NCKAP5: variants seen among roughly 807,000 people sequenced by gnomAD.
NCKAP5 encodes nck-associated protein 5.
NCKAP5 carries 92 observed loss-of-function variants against 167.0 expected under a neutral mutation model. That is an observed-to-expected ratio of 0.55 (90% CI 0.47 to 0.66). The LOEUF is 0.66. Among genes scored for constraint, NCKAP5 ranks in the 30% least tolerant of loss-of-function variants. The pLI is 0.00. For missense variants in NCKAP5, 2,378 were observed against 2,315.0 expected (o/e 1.03, Z -0.56); for synonymous variants, 891 against 877.4 (o/e 1.02, Z -0.27).
chr2:133,013,634 C>T (rs896425382), intron 6 of NCKAP5, among the ~76,000 whole-genome samples: 3 of 152,136 alleles, frequency 2.0e-5, no homozygotes, highest in Non-Finnish European at 2.9e-5. Flanking sequence ...AGTTACAATT[C>T]GAGATGAGAT....
intron 12 of NCKAP5, among the ~76,000 whole-genome samples, chr2:132,792,517 C>T (rs1684154477): frequency 1.3e-5 from 2 of 152,228 alleles, no homozygotes; most frequent in Non-Finnish European, 2.9e-5. Context: ...CTACTGTGTG[C>T]TTTCTGTTTT....
chr2:133,384,945 G>C (rs1466322739), intron 3 of NCKAP5, among the ~76,000 whole-genome samples: 1 of 152,058 alleles, frequency 6.6e-6, no homozygotes, highest in Non-Finnish European at 1.5e-5. Flanking sequence ...GGAGATTTTG[G>C]GCTAAGTCGA....
intron 16 of NCKAP5, among the ~76,000 whole-genome samples, chr2:132,755,474 A>C (rs1254542739): frequency 6.6e-6 from 1 of 152,176 alleles, no homozygotes; most frequent in Non-Finnish European, 1.5e-5. Context: ...TTTTTATGCC[A>C]TGACTTCTGC....
intron 19 of NCKAP5, among the ~76,000 whole-genome samples, chr2:132,681,804 A>G (rs1240637831): frequency 6.6e-6 from 1 of 152,212 alleles, no homozygotes; most frequent in East Asian, 1.9e-4. Flanking sequence ...ATGACCTGGA[A>G]TTACTTCCAA....
chr2:133,248,479 G>C (rs2088123397), intron 4 of NCKAP5, among the ~76,000 whole-genome samples: 1 of 152,198 alleles, frequency 6.6e-6, no homozygotes, highest in Admixed American at 6.5e-5. Context: ...ACAGGGCAGG[G>C]AATATAACAT....
intron 3 of NCKAP5, among the ~76,000 whole-genome samples, chr2:133,386,875 T>C (rs571690844): frequency 6.6e-6 from 1 of 151,638 alleles, no homozygotes; most frequent in African/African-American, 2.4e-5. Flanking sequence ...AACCCCTGCC[T>C]TTTTTTTGTT....
At chr2:132,922,167 T>G (rs1231489229) in intron 8 of NCKAP5, among the ~76,000 whole-genome samples, 1 of 152,118 alleles carries the variant, frequency 6.6e-6, no homozygotes, top group Non-Finnish European at 1.5e-5. Context: ...GTGAGTTAGG[T>G]TTTCTGCCAT....
chr2:133,309,265 A>G (rs1681059677), intron 3 of NCKAP5, among the ~76,000 whole-genome samples: 1 of 152,182 alleles, frequency 6.6e-6, no homozygotes, highest in East Asian at 1.9e-4. Flanking sequence ...AGTAATGGAT[A>G]TTATATAGAA....
At chr2:133,042,435 T>C (rs1390428641) in intron 6 of NCKAP5, among the ~76,000 whole-genome samples, 2 of 152,182 alleles carry the variant, frequency 1.3e-5, no homozygotes, top group Non-Finnish European at 2.9e-5. Context: ...TGAGATGTAC[T>C]TCCAAAAGAA....
the NCKAP5 span, among the ~76,000 whole-genome samples, chr2:133,631,790 T>C: frequency 6.6e-6 from 1 of 152,192 alleles, no homozygotes; most frequent in African/African-American, 2.4e-5. Context: ...TGGAAGTTCC[T>C]GCTGTCAATC....
chr2:133,109,303 C>G (rs1242017082), intron 6 of NCKAP5, among the ~76,000 whole-genome samples: 1 of 152,110 alleles, frequency 6.6e-6, no homozygotes, highest in African/African-American at 2.4e-5. Context: ...CAAGATTCTA[C>G]AAAGCAGTCT....
intron 8 of NCKAP5, among the ~76,000 whole-genome samples, chr2:132,913,325 G>A (rs1694601495): frequency 6.6e-6 from 1 of 151,946 alleles, no homozygotes; most frequent in East Asian, 1.9e-4. Flanking sequence ...ACCATGTCAT[G>A]GATAAGAGAG....
intron 19 of NCKAP5, among the ~76,000 whole-genome samples, chr2:132,676,586 A>G (rs969519497): frequency 6.6e-6 from 1 of 152,116 alleles, no homozygotes; most frequent in Non-Finnish European, 1.5e-5. Context: ...TAGTTGAATA[A>G]CATTTAGATT....
At position 133,488,367 on chromosome 2, in the gene NCKAP5, T is replaced by A. The variant is rs568078796; in HGVS notation, c.69+29091A>T. On this transcript the variant is annotated intron_variant, in intron 3 of 19. Transcript: ENST00000409261. Reference sequence around the variant, plus strand: ...TCCAACAAGTGCTGGTGGCTGTTGATCAGACATTGACTAGAGCTCTATCAA... The same window carrying A: ...TCCAACAAGTGCTGGTGGCTGTTGAACAGACATTGACTAGAGCTCTATCAA... Among the ~76,000 whole-genome samples the A allele has an allele frequency of 1.7e-3, 257 of 152,244 alleles. 2 individuals carry two copies. Among genetic ancestry groups the A allele is most frequent in the African/African-American group, 5.3e-3 (222 of 41,548 alleles).
chr2:133,637,367 C>G, the NCKAP5 span, among the ~76,000 whole-genome samples: 1 of 148,350 alleles, frequency 6.7e-6, no homozygotes, highest in South Asian at 2.1e-4. Context: ...GTCAAATACA[C>G]TTTCTCAACT....
At chr2:132,940,054 T>C (rs6747820) in intron 8 of NCKAP5, among the ~76,000 whole-genome samples, 101,157 of 151,978 alleles carry the variant, frequency 0.67, 36,092 homozygotes, top group East Asian at 0.93. Flanking sequence ...CAACCTTACC[T>C]TCTGAGTTCC....
chr2:132,759,179 G>A (rs966141056), intron 16 of NCKAP5, among the ~76,000 whole-genome samples: 3 of 151,916 alleles, frequency 2.0e-5, no homozygotes, highest in African/African-American at 7.3e-5. Context: ...TGCAGCTGAA[G>A]TTCATTAATT....
At chr2:132,696,235 GA>G (rs1369823373) in intron 19 of NCKAP5, among the ~76,000 whole-genome samples, 1 of 152,240 alleles carries the variant, frequency 6.6e-6, no homozygotes, top group Non-Finnish European at 1.5e-5. Flanking sequence ...AAGCAGTACA[GA>G]TTGTGGTTGG....
chr2:132,684,015 T>C (rs1685613298), intron 19 of NCKAP5, among the ~76,000 whole-genome samples: 1 of 152,250 alleles, frequency 6.6e-6, no homozygotes, highest in Non-Finnish European at 1.5e-5. Flanking sequence ...CTCTGCCACA[T>C]GAAATATATT....
Sources: gnomAD v4.1 joint callset for allele counts (sites outside exome capture counted in the v4.1 genomes callset) on GRCh38, gnomAD v4.1.1 for gene constraint, MANE v1.5 for transcripts, NCBI Gene and HGNC (gene_info 2026-07-23, HGNC 2026-07-21) for gene names.